The following RGS17 variants were observed in gnomAD, a reference collection of about 807,000 sequenced individuals.
RGS17 encodes regulator of G-protein signaling 17.
A neutral mutation model predicts 25.5 loss-of-function variants in RGS17; 12 were observed. That is an observed-to-expected ratio of 0.47 (90% CI 0.30 to 0.76). The LOEUF is 0.76. Ranked by LOEUF, RGS17 falls within the 30% of genes least tolerant of loss-of-function variation. The pLI, the probability that RGS17 is intolerant of heterozygous loss-of-function variation, is 0.07. For missense variants in RGS17, 196 were observed against 242.2 expected, an observed-to-expected ratio of 0.81 and a Z score of 1.27; for synonymous variants, 71 against 76.9, an observed-to-expected ratio of 0.92 and a Z score of 0.40.
intron 4 of RGS17, among the ~76,000 whole-genome samples, chr6:153,016,567 GTCC>G (rs1779186084): frequency 6.6e-6 from 1 of 152,124 alleles, no homozygotes; most frequent in Non-Finnish European, 1.5e-5. Context: ...AATGGCTTAT[GTCC>G]TCATTGTTTA....
intron 1 of RGS17, among the ~76,000 whole-genome samples, chr6:153,079,572 T>A (rs1243084341): frequency 6.6e-6 from 1 of 152,204 alleles, no homozygotes; most frequent in African/African-American, 2.4e-5. Context: ...TCATATGGCT[T>A]TCTTTTTTAT....
intron 1 of RGS17, among the ~76,000 whole-genome samples, chr6:153,107,612 T>A (rs560276192): frequency 6.6e-6 from 1 of 152,122 alleles, no homozygotes; most frequent in African/African-American, 2.4e-5. Flanking sequence ...TTGGGGACTA[T>A]GGTAATGAAA....
chr6:153,024,925 T>C (rs557578314), intron 3 of RGS17, among the ~76,000 whole-genome samples: 1 of 152,204 alleles, frequency 6.6e-6, no homozygotes, highest in Non-Finnish European at 1.5e-5. Context: ...ACAGTTTTTT[T>C]TTCTCATCTC....
At chr6:153,015,190 T>C (rs778955042) in intron 4 of RGS17, among the ~76,000 whole-genome samples, 4 of 152,236 alleles carry the variant, frequency 2.6e-5, no homozygotes, top group Non-Finnish European at 5.9e-5. Flanking sequence ...ATGGAATCTA[T>C]TCCTGGTGAA....
At chr6:153,033,704 T>C (rs988153127) in intron 2 of RGS17, among the ~76,000 whole-genome samples, 1 of 151,858 alleles carries the variant, frequency 6.6e-6, no homozygotes, top group Non-Finnish European at 1.5e-5. Flanking sequence ...GGCTACAGAG[T>C]GAGACTTCAT....
rs891184560 is a variant in RGS17, at chr6:153,130,690, C to T, written c.-26+434G>A. ...GCACATTCTCCTCGTTCCCAACCAA[C>T]CGCACAAAACCCGCAACACCTCGCG... is the stretch of plus-strand genomic sequence containing the variant. On this transcript the variant is annotated intron_variant, in intron 1 of 4. Coordinates refer to ENST00000206262, the MANE Select transcript of RGS17 (RefSeq NM_012419.5). This position sits in a 1 kb window ranked among gnomAD's most constrained non-coding sequence, Gnocchi z 6.4. Among the ~76,000 whole-genome samples, 2 of 152,180 alleles carry T rather than the reference C, an allele frequency of 1.3e-5. No individual in the cohort carries two copies. The highest frequency in any genetic ancestry group is 3.9e-4 in the East Asian group (2 of 5,150).
At chr6:153,011,812 C>A in intron 4 of RGS17, 50 bp from the exon 5 acceptor site, 1 of 1,347,054 alleles carries the variant, frequency 7.4e-7, no homozygotes, top group Non-Finnish European at 1.0e-6. Flanking sequence ...TTTCAAAAGA[C>A]CTCAATTAAG....
chr6:153,004,610 G>A lies in RGS17; in HGVS notation c.*6964C>T, dbSNP rs774110950. The A allele has an allele frequency of 2.6e-5, 4 of 152,128 alleles. No homozygotes were observed. The highest frequency in any genetic ancestry group is 3.9e-4 in the East Asian group (2 of 5,186). 9.4% of individuals were successfully genotyped at this position (152,128 alleles called of 1,614,324 possible). A position where few individuals can be genotyped will look rare whatever the true frequency, so the allele number is the denominator to read the frequency against. ...CTTTGAAAACTCAAACCTATAGTTC[G>A]AGACTTCTGAATATTTTTACATTAC... On this transcript the variant is annotated 3_prime_UTR_variant, in exon 5 of 5. Transcript: ENST00000206262.
intron 2 of RGS17, among the ~76,000 whole-genome samples, chr6:153,034,873 C>T (rs1175225405): frequency 1.3e-5 from 2 of 152,026 alleles, no homozygotes; most frequent in Admixed American, 6.6e-5. Flanking sequence ...GCTTTGGCTG[C>T]GAGCGGCGGC....
intron 1 of RGS17, among the ~76,000 whole-genome samples, chr6:153,126,979 C>T (rs1454541383): frequency 1.3e-5 from 2 of 152,110 alleles, no homozygotes; most frequent in East Asian, 1.9e-4. Context: ...CACCAGGGAC[C>T]GGTTTCATGG....
rs558637558 is a variant in RGS17 at position 153,130,135 on chromosome 6, G to A, written c.-26+989C>T. 2.0e-5 allele frequency among the ~76,000 whole-genome samples: 3 copies of A among 152,274 alleles called. No individual in the cohort carries two copies. Among genetic ancestry groups the A allele is most frequent in the East Asian group, 1.9e-4 (1 of 5,156 alleles). On this transcript the variant is annotated intron_variant, in intron 1 of 4. Transcript: ENST00000206262. This position sits in a 1 kb window ranked among gnomAD's most constrained non-coding sequence, Gnocchi z 6.4. ...TCCCTCCGCCATCCCCTAGTCCTCC[G>A]GCATTTATTCAGGGAGACAGGGAGG...
intron 1 of RGS17, among the ~76,000 whole-genome samples, chr6:153,096,695 G>GA (rs1458523385): frequency 6.6e-6 from 1 of 152,108 alleles, no homozygotes; most frequent in East Asian, 1.9e-4. Flanking sequence ...TTTTTTCTAT[G>GA]AGGAATATTT....
chr6:153,123,756 G>C (rs934115902), intron 1 of RGS17, among the ~76,000 whole-genome samples: 4 of 152,174 alleles, frequency 2.6e-5, no homozygotes, highest in African/African-American at 9.7e-5. Flanking sequence ...TGTGGACCCG[G>C]AAGAAGGGCA....
At chr6:153,022,733 AATT>A (rs1779258389) in intron 4 of RGS17, among the ~76,000 whole-genome samples, 2 of 152,202 alleles carry the variant, frequency 1.3e-5, no homozygotes, top group South Asian at 4.1e-4. Flanking sequence ...ATTAGCATAA[AATT>A]ATTATACTGA....
At chr6:153,063,936 A>G (rs1289473492) in intron 1 of RGS17, among the ~76,000 whole-genome samples, 1 of 146,990 alleles carries the variant, frequency 6.8e-6, no homozygotes, top group Non-Finnish European at 1.5e-5. Flanking sequence ...AGAGTGGCAT[A>G]ACATATGTAA....
rs1316260757 is a variant in RGS17, at chr6:153,005,748, A to C, written c.*5826T>G. 1 of 152,284 alleles carries C rather than the reference A, an allele frequency of 6.6e-6. No individual in the cohort carries two copies. The highest frequency in any genetic ancestry group is 2.4e-5 in the African/African-American group (1 of 41,454). The allele number at this position is 152,284 out of a possible 1,614,324, so 9.4% of individuals were successfully genotyped here. On this transcript the variant is annotated 3_prime_UTR_variant, in exon 5 of 5. Transcript: ENST00000206262. ...TCAAAACTGTCATCAAAAACAAGGA[A>C]AGTTGCAGAAACTGTCACAGCCAAG...
intron 1 of RGS17, among the ~76,000 whole-genome samples, chr6:153,082,447 T>G (rs1323250840): frequency 6.6e-6 from 1 of 152,172 alleles, no homozygotes; most frequent in African/African-American, 2.4e-5. Flanking sequence ...AAATCTTCAA[T>G]TATCACTAAA....
intron 1 of RGS17, among the ~76,000 whole-genome samples, chr6:153,119,610 T>C (rs1777594336): frequency 6.6e-6 from 1 of 152,094 alleles, no homozygotes; most frequent in Non-Finnish European, 1.5e-5. Context: ...GGAGAATTGC[T>C]TGAACCCGGG....
At chr6:153,077,884 T>TA (rs1776907666) in intron 1 of RGS17, among the ~76,000 whole-genome samples, 2 of 152,052 alleles carry the variant, frequency 1.3e-5, no homozygotes, top group Non-Finnish European at 2.9e-5. Flanking sequence ...TTTTTATTTT[T>TA]TTTTTTTGAG....
Sources: allele counts gnomAD v4.1 joint callset (sites outside exome capture counted in the v4.1 genomes callset), GRCh38; gene constraint gnomAD v4.1.1; non-coding constraint Gnocchi (gnomAD v3.1); transcripts MANE v1.5; gene names NCBI Gene and HGNC (gene_info 2026-07-23, HGNC 2026-07-21).